KIAA0513: variants seen among roughly 807,000 people sequenced by gnomAD.
KIAA0513 encodes the protein uncharacterized protein KIAA0513.
KIAA0513 carries 39 observed loss-of-function variants against 56.5 expected under a neutral mutation model. The observed-to-expected ratio is 0.69, with a 90% CI of 0.53 to 0.90. The LOEUF (loss-of-function observed/expected upper bound fraction) is 0.90, where lower values mean the gene tolerates loss of function less well. Ranked by LOEUF, KIAA0513 falls within the 40% of genes least tolerant of loss-of-function variation. The pLI is 0.00. For synonymous variants in KIAA0513, 268 were observed against 215.6 expected (o/e 1.24, Z -2.13); for missense variants, 591 against 535.2 (o/e 1.10, Z -1.03).
intron 4 of KIAA0513, among the ~76,000 whole-genome samples, chr16:85,074,866 T>C (rs2073634044): frequency 6.6e-6 from 1 of 152,200 alleles, no homozygotes; most frequent in Admixed American, 6.5e-5. Context: ...TCCATTTTCT[T>C]TCTTTCTTTT....
chr16:85,062,913 T>C (rs1408679179), intron 1 of KIAA0513, among the ~76,000 whole-genome samples: 1 of 152,152 alleles, frequency 6.6e-6, no homozygotes, highest in Non-Finnish European at 1.5e-5. Context: ...CTTTCCTTCT[T>C]AGAGGAAGAG....
chr16:85,083,006 T>G (rs1024335877), intron 10 of KIAA0513, among the ~76,000 whole-genome samples: 22 of 152,228 alleles, frequency 1.4e-4, no homozygotes, highest in African/African-American at 5.3e-4. Flanking sequence ...GCCTTACTGT[T>G]CACACTGGAG....
At chr16:85,065,658 G>C (rs903832857) in intron 1 of KIAA0513, among the ~76,000 whole-genome samples, 8 of 152,230 alleles carry the variant, frequency 5.3e-5, no homozygotes, top group African/African-American at 1.4e-4. Flanking sequence ...GTTCAGTTCA[G>C]CAGTTTCACA....
At chr16:85,031,288 C>G (rs143531518) in intron 1 of KIAA0513, among the ~76,000 whole-genome samples, 1,888 of 152,156 alleles carry the variant, frequency 0.012, 43 homozygotes, top group African/African-American at 0.042. Flanking sequence ...CAAGATCAGC[C>G]TGGGCAACAT....
intron 1 of KIAA0513, among the ~76,000 whole-genome samples, chr16:85,058,816 C>G (rs1390189073): frequency 6.6e-6 from 1 of 152,160 alleles, no homozygotes; most frequent in East Asian, 1.9e-4. Flanking sequence ...AGTGCATTTC[C>G]AAATTCAGTA....
At chr16:85,066,657 G>A (rs112628201) in intron 1 of KIAA0513, among the ~76,000 whole-genome samples, 134 of 152,284 alleles carry the variant, frequency 8.8e-4, no homozygotes, top group African/African-American at 3.1e-3. Flanking sequence ...GCCAGCAGAG[G>A]CCGTGTGCTG....
intron 1 of KIAA0513, among the ~76,000 whole-genome samples, chr16:85,042,885 G>T (rs1462841485): frequency 6.6e-6 from 1 of 152,182 alleles, no homozygotes; most frequent in Non-Finnish European, 1.5e-5. Context: ...CGAGAGGGAG[G>T]AGCAGAGACT....
chr16:85,066,544 A>G (rs2073484048), intron 1 of KIAA0513, among the ~76,000 whole-genome samples: 1 of 152,154 alleles, frequency 6.6e-6, no homozygotes, highest in Non-Finnish European at 1.5e-5. Flanking sequence ...AGTGACAGCT[A>G]GCGGGCAGGT....
chr16:85,051,539 G>C (rs1043613138), intron 1 of KIAA0513, among the ~76,000 whole-genome samples: 3 of 152,148 alleles, frequency 2.0e-5, no homozygotes, highest in Non-Finnish European at 2.9e-5. Flanking sequence ...AACTGTTCCG[G>C]TTGGTGGTGG....
At position 85,091,460 on chromosome 16, in the gene KIAA0513, G is replaced by GAA. The variant is rs1263190987; in HGVS notation, c.*3135_*3136insAA. Reference sequence around the variant, plus strand: ...TTTTCCTATTGCCAAAAGAAAGAAAGGGGGCCAAACAGCTCTGAAATTTCC... The same window carrying GAA: ...TTTTCCTATTGCCAAAAGAAAGAAAGAAGGGGCCAAACAGCTCTGAAATTTCC... On this transcript the variant is annotated 3_prime_UTR_variant, in exon 13 of 13. Coordinates refer to ENST00000683363, the MANE Select transcript of KIAA0513 (RefSeq NM_001388359.1). 1 of 152,180 alleles carries GAA rather than the reference G, an allele frequency of 6.6e-6. No individual in the cohort carries two copies. The highest frequency in any genetic ancestry group is 1.5e-5 in the Non-Finnish European group (1 of 68,034). The allele number at this position is 152,180 out of a possible 1,614,324, so 9.4% of individuals were successfully genotyped here. A position where few individuals can be genotyped will look rare whatever the true frequency, so the allele number is the denominator to read the frequency against.
intron 2 of KIAA0513, among the ~76,000 whole-genome samples, chr16:85,070,326 T>C (rs1029235971): frequency 3.3e-5 from 5 of 152,188 alleles, no homozygotes; most frequent in Non-Finnish European, 1.5e-5. Context: ...AGCCTCAGTT[T>C]TCTATGTGGT....
At chr16:85,051,209 C>G (rs564425861) in intron 1 of KIAA0513, among the ~76,000 whole-genome samples, 1 of 152,208 alleles carries the variant, frequency 6.6e-6, no homozygotes, top group Admixed American at 6.5e-5. Flanking sequence ...AGGTCGTCTT[C>G]GTGGAGAACT....
At chr16:85,084,970 G>A (rs995170706) in intron 10 of KIAA0513, among the ~76,000 whole-genome samples, 3 of 152,190 alleles carry the variant, frequency 2.0e-5, no homozygotes, top group Non-Finnish European at 4.4e-5. Context: ...CCCAGCTTTC[G>A]TCTTCACCAT....
intron 2 of KIAA0513, among the ~76,000 whole-genome samples, chr16:85,071,251 A>C (rs774431700): frequency 4.6e-5 from 7 of 152,170 alleles, no homozygotes; most frequent in Non-Finnish European, 7.3e-5. Flanking sequence ...GCCTCGCTCC[A>C]GAAGTGCAGA....
intron 4 of KIAA0513, among the ~76,000 whole-genome samples, chr16:85,074,840 T>G (rs1159631973): frequency 1.3e-5 from 2 of 152,242 alleles, no homozygotes; most frequent in Non-Finnish European, 2.9e-5. Context: ...AGTCCCATTT[T>G]GCATAGTTCT....
In KIAA0513 at chr16:85,077,405, T is replaced by G. The variant is rs1260563033; in HGVS notation, c.575-20T>G. ...TACCCCAGCCTCACTGGCCTCGTCT[T>G]GTTCCCTCTCTCATCCAAGGAAAAC... is the stretch of plus-strand genomic sequence containing the variant. On this transcript the variant is annotated intron_variant, in intron 5 of 12. Transcript: ENST00000683363. The G allele has an allele frequency of 6.2e-7, 1 of 1,612,816 alleles. No individual in the cohort carries two copies. Among genetic ancestry groups the G allele is most frequent in the East Asian group, 2.2e-5 (1 of 44,850 alleles).
intron 1 of KIAA0513, among the ~76,000 whole-genome samples, chr16:85,028,138 G>A (rs1274647394): frequency 6.6e-6 from 1 of 152,188 alleles, no homozygotes; most frequent in East Asian, 1.9e-4. Context: ...GGGGCAGTGC[G>A]GACGCCCGTG....
At chr16:85,038,590 C>T (rs887453006) in intron 1 of KIAA0513, among the ~76,000 whole-genome samples, 3 of 151,736 alleles carry the variant, frequency 2.0e-5, no homozygotes. Flanking sequence ...CACCTGTAAT[C>T]CCAGCTACAC....
rs543195730 is a variant in KIAA0513, at chr16:85,082,560, C to G, written c.981-4C>G. 1 of 1,613,992 alleles carries G rather than the reference C, an allele frequency of 6.2e-7. No homozygotes were observed. The highest frequency in any genetic ancestry group is 2.2e-5 in the East Asian group (1 of 44,844). On this transcript the variant is annotated splice_polypyrimidine_tract_variant and splice_region_variant and intron_variant, in intron 9 of 12. Coordinates refer to ENST00000683363, the MANE Select transcript of KIAA0513 (RefSeq NM_001388359.1). ...TTGTTTACCTGTTTCTGCTGCCGCT[C>G]CAGAGGGGATGCTGGAGAGGAGGAG...
Sources: allele counts gnomAD v4.1 joint callset (sites outside exome capture counted in the v4.1 genomes callset), GRCh38; gene constraint gnomAD v4.1.1; transcripts MANE v1.5; gene names NCBI Gene and HGNC (gene_info 2026-07-23, HGNC 2026-07-21).